The following UAP1 variants were observed in gnomAD, a reference collection of about 807,000 sequenced individuals.
UAP1 encodes UDP-N-acetylglucosamine pyrophosphorylase 1, also known as UDP-N-acetylhexosamine pyrophosphorylase.
A neutral mutation model predicts 58.5 loss-of-function variants in UAP1; 25 were observed. The ratio of observed to expected loss-of-function variants is 0.43; its 90% confidence interval spans 0.31 to 0.60. The LOEUF is 0.60. UAP1 is among the 20% of genes least tolerant of loss of function. UAP1 has a pLI of 0.11. For synonymous variants in UAP1, 208 were observed against 213.0 expected (o/e 0.98, Z 0.21); for missense variants, 575 against 630.0 (o/e 0.91, Z 0.93).
intron 2 of UAP1, among the ~76,000 whole-genome samples, 179 bp downstream of exon 2, chr1:162,566,527 A>G (rs1026358181): frequency 6.6e-6 from 1 of 152,096 alleles, no homozygotes; most frequent in East Asian, 1.9e-4. Flanking sequence ...CTCTCATTCA[A>G]GTCTTAATTT....
intron 2 of UAP1, among the ~76,000 whole-genome samples, chr1:162,568,473 T>G (rs1208785031): frequency 6.6e-6 from 1 of 152,238 alleles, no homozygotes; most frequent in Non-Finnish European, 1.5e-5. Context: ...AGGTTTTATT[T>G]AAAAGAGTTT....
chr1:162,578,378 T>A (rs1454097902), intron 3 of UAP1, among the ~76,000 whole-genome samples: 1 of 152,216 alleles, frequency 6.6e-6, no homozygotes, highest in Non-Finnish European at 1.5e-5. Flanking sequence ...CAATCTATTT[T>A]GCCTCTGAAG....
chr1:162,572,767 C>T (rs1289407034), intron 2 of UAP1, among the ~76,000 whole-genome samples: 14 of 152,128 alleles, frequency 9.2e-5, no homozygotes, highest in Non-Finnish European at 1.5e-5. Flanking sequence ...AAAACCTGAC[C>T]TGAATAGACA....
intron 3 of UAP1, among the ~76,000 whole-genome samples, chr1:162,578,792 C>A (rs1323817283): frequency 3.9e-5 from 6 of 152,268 alleles, no homozygotes; most frequent in South Asian, 4.1e-4. Context: ...AATTGAGTGT[C>A]TTTTTCTAGG....
intron 3 of UAP1, 69 bp from the exon 4 acceptor site, chr1:162,579,359 A>G: frequency 1.7e-6 from 2 of 1,160,728 alleles, no homozygotes; most frequent in Non-Finnish European, 2.3e-6. Flanking sequence ...CTTAGGAAAT[A>G]GACGAAACTT....
At chr1:162,585,999 C>T (rs1421641203) in intron 5 of UAP1, among the ~76,000 whole-genome samples, 2 of 152,176 alleles carry the variant, frequency 1.3e-5, no homozygotes, top group African/African-American at 2.4e-5. Flanking sequence ...TCATTAAGAA[C>T]TGTGTTCCTT....
chr1:162,570,292 T>C (rs1019276865), intron 2 of UAP1, among the ~76,000 whole-genome samples: 3 of 152,186 alleles, frequency 2.0e-5, no homozygotes, highest in Non-Finnish European at 2.9e-5. Context: ...CACACACATA[T>C]GCATATATTG....
chr1:162,582,854 A>T (rs1436712863), intron 5 of UAP1, among the ~76,000 whole-genome samples: 1 of 152,192 alleles, frequency 6.6e-6, no homozygotes, highest in African/African-American at 2.4e-5. Flanking sequence ...AAATTTACTG[A>T]TACAAGTTTT....
At chr1:162,584,013 G>A (rs1333694499) in intron 5 of UAP1, among the ~76,000 whole-genome samples, 1 of 152,142 alleles carries the variant, frequency 6.6e-6, no homozygotes, top group East Asian at 1.9e-4. Flanking sequence ...TAGAGTTCAT[G>A]TTTCCCAACT....
intron 5 of UAP1, among the ~76,000 whole-genome samples, chr1:162,583,510 A>T (rs957488045): frequency 3.9e-4 from 59 of 152,164 alleles, no homozygotes; most frequent in Non-Finnish European, 8.8e-5. Flanking sequence ...CGAGCTTCAG[A>T]ACCAATTTAA....
chr1:162,600,765 C>G (rs1207327673), downstream of UAP1, among the ~76,000 whole-genome samples: 1 of 151,302 alleles, frequency 6.6e-6, no homozygotes, highest in Non-Finnish European at 1.5e-5. Context: ...AATAACAGCT[C>G]AATTTTGCTA....
At chr1:162,576,417 G>A (rs1654181025) in intron 2 of UAP1, among the ~76,000 whole-genome samples, 1 of 151,778 alleles carries the variant, frequency 6.6e-6, no homozygotes, top group African/African-American at 2.4e-5. Flanking sequence ...AAAATGCATC[G>A]TTCATTGTTT....
rs1430755340 is a variant in UAP1 at position 162,587,655 on chromosome 1, A to G, written c.1015A>G (p.Arg339Gly). ...CCATTTCTTCACTGTACCATTTCTG[A>G]GAGATGTTGTCAAGTATGGGCAAGA... The change falls in exon 6 of 11, where the codon AGA becomes GGA. Residue 339 changes from arginine to glycine, a missense_variant. Coordinates refer to ENST00000271469, the Ensembl canonical transcript of UAP1. 3.1e-6 allele frequency: 5 copies of G among 1,612,594 alleles called. No individual in the cohort carries two copies. In the African/African-American group the frequency reaches 6.7e-5, roughly 22 times the overall value.
At chr1:162,566,439 T>G (rs749898444) in intron 2 of UAP1, 91 bp downstream of exon 2, 170 of 1,333,020 alleles carry the variant, frequency 1.3e-4, no homozygotes, top group Non-Finnish European at 1.7e-4. Flanking sequence ...ATATTTTGAT[T>G]CATACTACAT....
At chr1:162,587,372 T>G in intron 5 of UAP1, 103 bp from the exon 6 acceptor site, 1 of 1,096,796 alleles carries the variant, frequency 9.1e-7, no homozygotes, top group East Asian at 2.4e-5. Flanking sequence ...GCTTTATACC[T>G]TTTAGTGTAA....
intron 5 of UAP1, among the ~76,000 whole-genome samples, chr1:162,586,080 C>T (rs1230329609): frequency 6.6e-6 from 1 of 152,186 alleles, no homozygotes; most frequent in African/African-American, 2.4e-5. Flanking sequence ...GAGCTGGACT[C>T]AGTGCCTATA....
At chr1:162,568,142 A>G (rs977230799) in intron 2 of UAP1, among the ~76,000 whole-genome samples, 1 of 152,206 alleles carries the variant, frequency 6.6e-6, no homozygotes, top group African/African-American at 2.4e-5. Flanking sequence ...GTAATACTAT[A>G]CATACAATCT....
chr1:162,588,492 T>C (rs1655055372), intron 6 of UAP1, among the ~76,000 whole-genome samples: 1 of 152,158 alleles, frequency 6.6e-6, no homozygotes, highest in African/African-American at 2.4e-5. Context: ...TGGAGACTGT[T>C]ATTTGATTTT....
chr1:162,575,456 A>G (rs1654118380), intron 2 of UAP1, among the ~76,000 whole-genome samples: 1 of 151,504 alleles, frequency 6.6e-6, no homozygotes, highest in Non-Finnish European at 1.5e-5. Context: ...GTTTTTGAGA[A>G]AGAGTTTTAC....
Sources: allele counts gnomAD v4.1 joint callset (sites outside exome capture counted in the v4.1 genomes callset), GRCh38; gene constraint gnomAD v4.1.1; transcripts MANE v1.5; gene names NCBI Gene and HGNC (gene_info 2026-07-23, HGNC 2026-07-21).